KHDRBS2: variants seen among roughly 807,000 people sequenced by gnomAD.
The protein encoded by KHDRBS2 is KH RNA binding domain containing, signal transduction associated 2.
Under a neutral mutation model 44.3 loss-of-function variants are expected in KHDRBS2, and 26 were observed. The observed-to-expected ratio is 0.59, with a 90% CI of 0.43 to 0.81. The LOEUF (loss-of-function observed/expected upper bound fraction) is 0.81. Ranked by LOEUF, KHDRBS2 falls within the 40% of genes least tolerant of loss-of-function variation. The pLI, the probability that KHDRBS2 is intolerant of heterozygous loss-of-function variation, is 0.00. For synonymous variants in KHDRBS2, 194 were observed against 151.1 expected (o/e 1.28, Z -2.08); for missense variants, 476 against 433.1 (o/e 1.10, Z -0.88).
chr6:61,830,956 T>A (rs1218131963), intron 6 of KHDRBS2, among the ~76,000 whole-genome samples: 1 of 152,176 alleles, frequency 6.6e-6, no homozygotes, highest in African/African-American at 2.4e-5. Context: ...CCTAAATAAA[T>A]TTTTGTTCTA....
intron 2 of KHDRBS2, among the ~76,000 whole-genome samples, chr6:62,078,427 ATTAT>A (rs1796755447): frequency 6.6e-6 from 1 of 152,024 alleles, no homozygotes; most frequent in Non-Finnish European, 1.5e-5. Flanking sequence ...AGTATTTTAG[ATTAT>A]TTAAATTATC....
chr6:61,881,847 AAT>A (rs1800252668), intron 6 of KHDRBS2, among the ~76,000 whole-genome samples: 2 of 152,158 alleles, frequency 1.3e-5, no homozygotes, highest in Admixed American at 1.3e-4. Context: ...AGAACAGCAA[AAT>A]ATATTGGCTG....
chr6:61,774,423 A>T (rs1488512128), intron 6 of KHDRBS2, among the ~76,000 whole-genome samples: 1 of 152,092 alleles, frequency 6.6e-6, no homozygotes, highest in African/African-American at 2.4e-5. Flanking sequence ...TAATCTCCTT[A>T]AGCTGATAAG....
intron 1 of KHDRBS2, among the ~76,000 whole-genome samples, chr6:62,210,270 G>A (rs1036517530): frequency 2.0e-5 from 3 of 150,164 alleles, no homozygotes; most frequent in African/African-American, 4.9e-5. Context: ...ATATATTTCT[G>A]ACACTTAACA....
At chr6:62,038,399 T>C (rs1327133367) in intron 3 of KHDRBS2, among the ~76,000 whole-genome samples, 1 of 151,844 alleles carries the variant, frequency 6.6e-6, no homozygotes, top group Non-Finnish European at 1.5e-5. Flanking sequence ...AGTTTTCTAC[T>C]GTTTAACAAT....
intron 2 of KHDRBS2, among the ~76,000 whole-genome samples, chr6:62,067,341 G>T (rs1229826406): frequency 6.6e-6 from 1 of 151,472 alleles, no homozygotes; most frequent in African/African-American, 2.4e-5. Context: ...ACCAGTAACA[G>T]AAATGTTCTA....
chr6:61,611,431 T>C, the KHDRBS2 span, among the ~76,000 whole-genome samples: 1 of 151,838 alleles, frequency 6.6e-6, no homozygotes, highest in African/African-American at 2.4e-5. Context: ...AGACTAAGAG[T>C]TTGTGAGCAA....
chr6:61,782,605 C>A (rs1420491999), intron 6 of KHDRBS2, among the ~76,000 whole-genome samples: 5 of 148,880 alleles, frequency 3.4e-5, no homozygotes, highest in African/African-American at 1.2e-4. Context: ...TATTATTCAG[C>A]TATTATTGCA....
rs927227064 is a variant in KHDRBS2, at chr6:62,221,322, G to A, written c.92-44010C>T. On this transcript the variant is annotated intron_variant, in intron 1 of 8. Transcript: ENST00000281156. ...CTAGGATTAAGGTAGAGGGTATGGGGAGATATATGTCAAAGGATATAAAGC... is the reference window on the plus strand; with the variant it reads ...CTAGGATTAAGGTAGAGGGTATGGGAAGATATATGTCAAAGGATATAAAGC... 2.0e-5 allele frequency among the ~76,000 whole-genome samples: 3 copies of A among 152,152 alleles called. No homozygotes were observed. The South Asian group carries it at 6.2e-4, about 32-fold the overall frequency.
chr6:61,931,357 T>C (rs1810008791), intron 4 of KHDRBS2, among the ~76,000 whole-genome samples: 1 of 151,912 alleles, frequency 6.6e-6, no homozygotes, highest in South Asian at 2.1e-4. Context: ...AAGATGAAAG[T>C]ATAGTATTAC....
At chr6:62,163,199 G>A (rs1818001106) in intron 2 of KHDRBS2, among the ~76,000 whole-genome samples, 1 of 152,010 alleles carries the variant, frequency 6.6e-6, no homozygotes, top group Non-Finnish European at 1.5e-5. Context: ...GATAAAAATA[G>A]TCTTGTCCTG....
chr6:62,002,459 C>T (rs1052578956), intron 3 of KHDRBS2, among the ~76,000 whole-genome samples: 1 of 151,428 alleles, frequency 6.6e-6, no homozygotes, highest in African/African-American at 2.4e-5. Context: ...ATCATTTTTG[C>T]TATCTGTAAC....
chr6:61,869,228 C>T (rs1798239411), intron 6 of KHDRBS2, among the ~76,000 whole-genome samples: 1 of 152,084 alleles, frequency 6.6e-6, no homozygotes, highest in Admixed American at 6.5e-5. Flanking sequence ...TTACTCAGCC[C>T]TTTCATCCCT....
chr6:61,995,030 G>T lies in KHDRBS2; in HGVS notation c.337-16818C>A, dbSNP rs547772240. On this transcript the variant is annotated intron_variant, in intron 3 of 8. Coordinates refer to ENST00000281156, the MANE Select transcript of KHDRBS2 (RefSeq NM_152688.4). ...TAGAAAATGGAAGCAAATAAGGTTTGAAGTAGAAGATGTAGACAACTATAT... is the reference window on the plus strand; with the variant it reads ...TAGAAAATGGAAGCAAATAAGGTTTTAAGTAGAAGATGTAGACAACTATAT... 3.3e-5 allele frequency among the ~76,000 whole-genome samples: 5 copies of T among 152,234 alleles called. No individual in the cohort carries two copies. The South Asian group carries it at 1.0e-3, about 32-fold the overall frequency.
chr6:61,718,521 C>T, intron 7 of KHDRBS2, among the ~76,000 whole-genome samples: 1 of 152,126 alleles, frequency 6.6e-6, no homozygotes, highest in East Asian at 1.9e-4. Context: ...ATCCTGTTCT[C>T]TCCCTAGAGG....
At chr6:61,589,570 C>G in the KHDRBS2 span, among the ~76,000 whole-genome samples, 1 of 152,234 alleles carries the variant, frequency 6.6e-6, no homozygotes, top group East Asian at 1.9e-4. Context: ...TATGAACTAG[C>G]TACATCACTC....
intron 6 of KHDRBS2, among the ~76,000 whole-genome samples, chr6:61,748,366 T>C (rs1777161813): frequency 6.6e-6 from 1 of 152,194 alleles, no homozygotes. Flanking sequence ...TTTATTTATT[T>C]TTGATACCTC....
intron 2 of KHDRBS2, among the ~76,000 whole-genome samples, chr6:62,102,236 G>A (rs1562862543): frequency 6.6e-6 from 1 of 152,186 alleles, no homozygotes; most frequent in Non-Finnish European, 1.5e-5. Flanking sequence ...TAGTTGAGTT[G>A]TTAACGCATT....
intron 6 of KHDRBS2, among the ~76,000 whole-genome samples, chr6:61,782,689 GTATATATATATA>G (rs70993182): frequency 0.084 from 9,233 of 110,154 alleles, 574 homozygotes; most frequent in Middle Eastern, 0.16. Flanking sequence ...TAAAGGTTGT[GTATATATATATA>G]TATATATATA....
Sources: gnomAD v4.1 joint callset for allele counts (sites outside exome capture counted in the v4.1 genomes callset) on GRCh38, gnomAD v4.1.1 for gene constraint, MANE v1.5 for transcripts, NCBI Gene and HGNC (gene_info 2026-07-23, HGNC 2026-07-21) for gene names.